CENPE: variants seen among roughly 807,000 people sequenced by gnomAD.
CENPE encodes centromere-associated protein E.
In CENPE, 145 loss-of-function variants were observed where a neutral mutation model predicts 336.1. The ratio of observed to expected loss-of-function variants is 0.43; its 90% CI spans 0.38 to 0.50. The LOEUF is 0.50. Ranked by LOEUF, CENPE falls within the 20% of genes least tolerant of loss-of-function variation. The probability of loss-of-function intolerance (pLI) is 0.00; values close to 1 mark genes in which losing one functional copy is unlikely to be tolerated. For synonymous variants in CENPE, 1,013 were observed against 984.8 expected, an observed-to-expected ratio of 1.03 and a Z score of -0.54; for missense variants, 2,719 against 3,023.3, an observed-to-expected ratio of 0.90 and a Z score of 2.36.
At chr4:103,122,151 T>C (rs1273875459) in intron 43 of CENPE, among the ~76,000 whole-genome samples, 3 of 152,218 alleles carry the variant, frequency 2.0e-5, no homozygotes, top group African/African-American at 4.8e-5. Flanking sequence ...CTGAGGTCTG[T>C]AATGCCCTAC....
rs767537906 is a variant in CENPE, at chr4:103,180,398, C to A, written c.1155G>T (p.Leu385Phe). The A allele has an allele frequency of 3.7e-6, 6 of 1,613,080 alleles. No individual in the cohort carries two copies. The highest frequency in any genetic ancestry group is 5.1e-6 in the Non-Finnish European group (6 of 1,179,398). Residue 385 changes from leucine to phenylalanine, a missense_variant, in exon 13 of 49, where the codon TTG becomes TTT. Physicochemically the swap from Leu to Phe is conservative, Grantham distance 22 (BLOSUM62 0). This residue lies in a region of CENPE where 117 missense variants were observed against 215.8 expected (regional missense o/e 0.54). Transcript: ENST00000265148. ...QLAQLLEEKDLLQKVQNEKIE... is the reference protein window; with the variant it reads ...QLAQLLEEKDFLQKVQNEKIE... ...TTTTCTCATTCTGTACTTTCTGAAG[C>A]AAATCTTTTTCTTCCAAAAGTTGGG...
intron 42 of CENPE, 121 bp from the exon 43 acceptor site, chr4:103,123,210 A>G: frequency 1.4e-6 from 1 of 707,058 alleles, no homozygotes; most frequent in Non-Finnish European, 2.4e-6. Context: ...AAAATATTAA[A>G]TGGGAAATTC....
chr4:103,136,017 C>G, intron 40 of CENPE, 124 bp downstream of exon 40: 1 of 786,934 alleles, frequency 1.3e-6, no homozygotes, highest in Non-Finnish European at 2.0e-6. Context: ...CTCAGACCCA[C>G]ATAATCTTTA....
chr4:103,116,620 T>C lies in CENPE; in HGVS notation c.7399A>G (p.Ile2467Val). The change falls in exon 45 of 49, where the codon ATA becomes GTA. Residue 2467 changes from isoleucine (I) to valine (V), a missense_variant. Ile to Val is a conservative substitution (Grantham distance 29). Around this residue, in one of 5 missense-constraint regions of CENPE, gnomAD observed 2,437 missense variants for 2,513.3 expected, o/e 0.97. Transcript: ENST00000265148. ...GCATTTTTCATTTTCTCTAGGTCTA[T>C]TTTCACAAGCTTCATTTTGAGATCT... Reference protein sequence around the residue: ...IEDLKMKLVKIDLEKMKNAKE... With the variant: ...IEDLKMKLVKVDLEKMKNAKE... The C allele has an allele frequency of 6.3e-7, 1 of 1,594,320 alleles. No individual in the cohort carries two copies. Among genetic ancestry groups the C allele is most frequent in the South Asian group, 1.2e-5 (1 of 86,262 alleles).
At chr4:103,172,245 G>C (rs1290366830) in intron 16 of CENPE, among the ~76,000 whole-genome samples, 1 of 151,960 alleles carries the variant, frequency 6.6e-6, no homozygotes, top group Admixed American at 6.6e-5. Flanking sequence ...ACATTTAAAA[G>C]ATAATTCACC....
Position 103,139,901 on chromosome 4 carries a change from A to C in CENPE, c.6092T>G (p.Leu2031Arg). The change falls in exon 38 of 49, where the codon CTT (leucine) becomes CGT (arginine). Residue 2031 changes from leucine (L) to arginine (R), a missense_variant. Around this residue, in one of 5 missense-constraint regions of CENPE, gnomAD observed 2,437 missense variants for 2,513.3 expected, o/e 0.97. Transcript: ENST00000265148. ...TTTAGCTACAATTCTTATTTCTTCAAGGCTTTCATGAAGTTTCTTAGTCAA... is the reference window on the plus strand; with the variant it reads ...TTTAGCTACAATTCTTATTTCTTCACGGCTTTCATGAAGTTTCTTAGTCAA... ...FQLTKKLHES[L>R]EEIRIVAKER... is the part of the protein sequence containing the mutation. The C allele has an allele frequency of 6.2e-7, 1 of 1,613,352 alleles. No homozygotes were observed. The highest frequency in any genetic ancestry group is 8.5e-7 in the Non-Finnish European group (1 of 1,179,594).
At chr4:103,134,506 C>T (rs1362537406) in intron 40 of CENPE, among the ~76,000 whole-genome samples, 2 of 151,790 alleles carry the variant, frequency 1.3e-5, no homozygotes, top group African/African-American at 4.8e-5. Flanking sequence ...TGGTGGCAGG[C>T]GCCTGTAGTC....
chr4:103,195,226 T>A lies in CENPE; in HGVS notation c.365A>T (p.Asp122Val). Residue 122 changes from aspartate to valine, a missense_variant, in exon 5 of 49, where the codon GAT becomes GTT. Physicochemically the swap from Asp to Val is radical, Grantham distance 152. Coordinates refer to ENST00000265148, the MANE Select transcript of CENPE (RefSeq NM_001813.3). ...DIFQKIKKFP[D>V]REFLLRVSYM... is the part of the protein sequence containing the mutation. ...AGATACACGTAAGAGAAATTCCCTA[T>A]CAGGAAACTAGAAGAAAAAAAATTA... 5 of 1,571,628 alleles carry A rather than the reference T, an allele frequency of 3.2e-6. 1 individual carries two copies. The Admixed American group carries it at 1.1e-4, about 33-fold the overall frequency.
chr4:103,114,687 G>C, intron 45 of CENPE, 135 bp from the exon 46 acceptor site: 2 of 622,140 alleles, frequency 3.2e-6, no homozygotes, highest in Non-Finnish European at 5.7e-6. Flanking sequence ...ATAAGCCCTC[G>C]TGATACCTCT....
intron 11 of CENPE, 118 bp downstream of exon 11, chr4:103,182,644 C>T (rs1272952896): frequency 1.3e-6 from 1 of 746,486 alleles, no homozygotes; most frequent in Non-Finnish European, 2.0e-6. Flanking sequence ...TAGTAGACAA[C>T]ATATCGATTA....
intron 43 of CENPE, among the ~76,000 whole-genome samples, chr4:103,121,475 A>G (rs2125866470): frequency 6.6e-6 from 1 of 151,990 alleles, no homozygotes; most frequent in African/African-American, 2.4e-5. Context: ...ATAGGAATCC[A>G]GCCTTACTTT....
chr4:103,170,448 A>C (rs12506575), intron 16 of CENPE, among the ~76,000 whole-genome samples: 24,276 of 152,176 alleles, frequency 0.16, 2,338 homozygotes, highest in Non-Finnish European at 0.2. Flanking sequence ...TTGTTTAGTA[A>C]TCAATGATAA....
Position 103,194,443 on chromosome 4 carries a change from T to C in CENPE, c.560-2A>G. 1 of 1,598,300 alleles carries C rather than the reference T, an allele frequency of 6.3e-7. No homozygotes were observed. The highest frequency in any genetic ancestry group is 8.5e-7 in the Non-Finnish European group (1 of 1,171,222). On this transcript the variant is annotated splice_acceptor_variant, in intron 6 of 48. Transcript: ENST00000265148. LOFTEE classifies it high-confidence loss of function. ...TTGTTTCTCCATAATGCCTGCTCTC[T>C]GTAAAAATGAGTTATATTTCAGCTG...
At chr4:103,194,784 T>C (rs989552636) in intron 5 of CENPE, 100 bp from the exon 6 acceptor site, 4 of 847,618 alleles carry the variant, frequency 4.7e-6, no homozygotes, top group Non-Finnish European at 7.0e-6. Context: ...TTGTGAAAGT[T>C]AAAAGTGGCA....
Position 103,139,829 on chromosome 4 carries a change from C to T in CENPE, c.6164G>A (p.Arg2055Lys). The change falls in exon 38 of 49, where the codon AGG becomes AAG. Residue 2055 changes from arginine (R) to lysine (K), a missense_variant. Arg to Lys is a conservative substitution (Grantham distance 26). Transcript: ENST00000265148. ...RRIKESLKME[R>K]DQFIATLREM... Reference sequence around the variant, plus strand: ...CCTTAAGGTTGCTATGAATTGGTCCCTTTCCATTTTGAGAGATTCTTTTAT... The same window carrying T: ...CCTTAAGGTTGCTATGAATTGGTCCTTTTCCATTTTGAGAGATTCTTTTAT... The T allele has an allele frequency of 6.2e-7, 1 of 1,612,348 alleles. No individual in the cohort carries two copies. Among genetic ancestry groups the T allele is most frequent in the Non-Finnish European group, 8.5e-7 (1 of 1,179,352 alleles).
At chr4:103,121,346 T>C (rs1370605324) in intron 43 of CENPE, among the ~76,000 whole-genome samples, 1 of 152,168 alleles carries the variant, frequency 6.6e-6, no homozygotes, top group East Asian at 1.9e-4. Flanking sequence ...CATGGACATA[T>C]AGAATCTCAT....
chr4:103,191,562 A>G (rs1757332272), intron 8 of CENPE, among the ~76,000 whole-genome samples: 2 of 144,104 alleles, frequency 1.4e-5, no homozygotes, highest in African/African-American at 2.5e-5. Context: ...AAAACCAAAC[A>G]CCGCATGTTC....
rs924505328 is a variant in CENPE, at chr4:103,194,437, G to A, written c.564C>T (p.Ser188=). ...ALKWITKGEK[S]RHYGETKMNQ... is the part of the protein sequence containing the mutation. ...TCATTTTTGTTTCTCCATAATGCCTGCTCTCTGTAAAAATGAGTTATATTT... is the reference window on the plus strand; with the variant it reads ...TCATTTTTGTTTCTCCATAATGCCTACTCTCTGTAAAAATGAGTTATATTT... Residue 188 remains serine, a synonymous_variant, in exon 7 of 49, where the codon AGC becomes AGT. Coordinates refer to ENST00000265148, the MANE Select transcript of CENPE (RefSeq NM_001813.3). 3 of 1,603,830 alleles carry A rather than the reference G, an allele frequency of 1.9e-6. No individual in the cohort carries two copies. In the Admixed American group the frequency reaches 5.1e-5, roughly 27 times the overall value.
rs544508744 is a variant in CENPE at position 103,195,047 on chromosome 4, A to G, written c.477+67T>C. The G allele has an allele frequency of 1.2e-5, 16 of 1,386,090 alleles. No homozygotes were observed. The East Asian group carries it at 3.7e-4, about 32-fold the overall frequency. The allele number at this position is 1,386,090 out of a possible 1,614,324, so 85.9% of individuals were successfully genotyped here. A position where few individuals can be genotyped will look rare whatever the true frequency, so the allele number is the denominator to read the frequency against. ...TTTAAAAACTATAGAAATTAAAGGT[A>G]AACATTCAAGAACAATAATCTCAAT... On this transcript the variant is annotated intron_variant, in intron 5 of 48. Transcript: ENST00000265148.
Sources: allele counts gnomAD v4.1 joint callset (sites outside exome capture counted in the v4.1 genomes callset), GRCh38; gene constraint gnomAD v4.1.1; regional missense constraint gnomAD v4.1.1; transcripts MANE v1.5; gene names NCBI Gene and HGNC (gene_info 2026-07-23, HGNC 2026-07-21).